AHRR: variants seen among roughly 807,000 people sequenced by gnomAD.
The protein encoded by AHRR is aryl hydrocarbon receptor repressor.
A neutral mutation model predicts 44.0 loss-of-function variants in AHRR; 28 were observed. The observed-to-expected ratio is 0.64, with a 90% CI of 0.47 to 0.87. AHRR has a LOEUF of 0.87. AHRR is among the 40% of genes least tolerant of loss of function. The pLI, the probability that AHRR is intolerant of heterozygous loss-of-function variation, is 0.00. For synonymous variants in AHRR, 434 were observed against 407.0 expected (o/e 1.07, Z -0.80); for missense variants, 990 against 953.9 (o/e 1.04, Z -0.50).
At chr5:391,063 G>A (rs2126469949) in intron 4 of AHRR, among the ~76,000 whole-genome samples, 1 of 152,200 alleles carries the variant, frequency 6.6e-6, no homozygotes, top group Admixed American at 6.5e-5. Flanking sequence ...GACGGGAGAG[G>A]CCCCAGAGAG....
chr5:421,069 G>C, intron 5 of AHRR: 1 of 495,604 alleles, frequency 2.0e-6, no homozygotes, highest in Non-Finnish European at 3.7e-6. Context: ...GCGACTAAAA[G>C]ATAAAGAGGG....
intron 4 of AHRR, among the ~76,000 whole-genome samples, chr5:408,106 C>T (rs1346810336): frequency 1.3e-5 from 2 of 152,210 alleles, no homozygotes; most frequent in Non-Finnish European, 2.9e-5. Flanking sequence ...GGTTGTAGTA[C>T]GAAAGCAGCC....
Position 432,880 on chromosome 5 carries a change from G to T in AHRR, c.1045G>T (p.Ala349Ser), listed in dbSNP as rs200229746. The T allele has an allele frequency of 2.0e-5, 32 of 1,613,672 alleles. No homozygotes were observed. In the African/African-American group the frequency reaches 3.2e-4, roughly 16 times the overall value. The change falls in exon 10 of 11, where the codon GCC becomes TCC. Residue 349 changes from alanine (A) to serine (S), a missense_variant. Transcript: ENST00000684583. ...CGCTGGCCGATGGGCACAGGTTCCC[G>T]CCAGGGCCCCATGCCTGTGCCTCCG... is the stretch of plus-strand genomic sequence containing the variant. ...TDAGRWAQVP[A>S]RAPCLCLRGG...
In AHRR at chr5:342,042, T is replaced by C. The variant is rs10061449; in HGVS notation, c.-10-1851T>C. ...ATATCTTTATAGTTTAATTCCATTA[T>C]GTCAAATAACATACTTTGATTTCTG... On this transcript the variant is annotated intron_variant, in intron 1 of 10. Transcript: ENST00000684583. The surrounding 1 kb of genome is among the most constrained non-coding windows in gnomAD (Gnocchi z 4.3). Among the ~76,000 whole-genome samples the C allele has an allele frequency of 1.5e-3, 228 of 152,368 alleles. No individual in the cohort carries two copies. Among genetic ancestry groups the C allele is most frequent in the African/African-American group, 5.2e-3 (218 of 41,592 alleles).
chr5:421,169 G>T (rs1280051947), intron 5 of AHRR: 6 of 589,588 alleles, frequency 1.0e-5, no homozygotes, highest in African/African-American at 2.0e-5. Context: ...AGGCCGCTCT[G>T]GCGCCCGGCT....
At chr5:392,826 T>C (rs1734530303) in intron 4 of AHRR, among the ~76,000 whole-genome samples, 2 of 152,122 alleles carry the variant, frequency 1.3e-5, no homozygotes, top group Admixed American at 1.3e-4. Flanking sequence ...GGCCTTACCG[T>C]GGCCGCCCCA....
chr5:399,940 C>T (rs1734940027), intron 4 of AHRR, among the ~76,000 whole-genome samples: 1 of 152,216 alleles, frequency 6.6e-6, no homozygotes, highest in Non-Finnish European at 1.5e-5. Context: ...GCCAGTTATT[C>T]AGCTCCCCAA....
chr5:351,927 A>C (rs1742871743), intron 2 of AHRR, among the ~76,000 whole-genome samples: 1 of 152,234 alleles, frequency 6.6e-6, no homozygotes, highest in Non-Finnish European at 1.5e-5. Flanking sequence ...TAGAAAAATA[A>C]GGAACTTCTT....
At chr5:332,535 G>T (rs1741963874) in intron 1 of AHRR, among the ~76,000 whole-genome samples, 1 of 152,080 alleles carries the variant, frequency 6.6e-6, no homozygotes, top group Non-Finnish European at 1.5e-5. Flanking sequence ...CAAAGTGCTG[G>T]GATTACAGGT....
intron 4 of AHRR, among the ~76,000 whole-genome samples, chr5:402,288 G>A (rs1735045168): frequency 6.6e-6 from 1 of 152,060 alleles, no homozygotes; most frequent in Non-Finnish European, 1.5e-5. Flanking sequence ...AAGATGGAAG[G>A]CAGTCGTTGA....
In AHRR at chr5:397,113, T is replaced by A. The variant is rs1462684504; in HGVS notation, c.352-16231T>A. 1.5e-4 allele frequency among the ~76,000 whole-genome samples: 14 copies of A among 94,674 alleles called. 1 individual carries two copies. The highest frequency in any genetic ancestry group is 2.0e-4 in the Non-Finnish European group (10 of 49,352). The allele number at this position is 94,674 out of a possible 152,430, so 62.1% of individuals were successfully genotyped here. ...AGCCCCTGACCATCCACGTAGCCCC[T>A]GACCATCCATGTTAGCCCCTGACCA... On this transcript the variant is annotated intron_variant, in intron 4 of 10. Transcript: ENST00000684583.
chr5:417,971 T>C (rs1314066737), intron 5 of AHRR, among the ~76,000 whole-genome samples: 1 of 152,248 alleles, frequency 6.6e-6, no homozygotes, highest in African/African-American at 2.4e-5. Context: ...TAAACGGCTT[T>C]AGGCGTATAT....
intron 1 of AHRR, among the ~76,000 whole-genome samples, chr5:343,266 G>A (rs931850240): frequency 8.8e-5 from 13 of 147,890 alleles, no homozygotes; most frequent in African/African-American, 2.2e-4. Context: ...CAGGAACACG[G>A]GACCCCACAT....
In AHRR at chr5:434,113, G is replaced by T; in HGVS notation, c.1373G>T (p.Ser458Ile). 1 of 1,613,040 alleles carries T rather than the reference G, an allele frequency of 6.2e-7. No individual in the cohort carries two copies. The highest frequency in any genetic ancestry group is 8.5e-7 in the Non-Finnish European group (1 of 1,179,900). The change falls in exon 11 of 11, where the codon AGT (serine) becomes ATT (isoleucine). Residue 458 changes from serine to isoleucine, a missense_variant. Coordinates refer to ENST00000684583, the MANE Select transcript of AHRR (RefSeq NM_001377236.1). ...TCTCACCCGCCGAGCCCGTCCCCCA[G>T]TGCCTACTCCAGCCGGACCAGCAGA... Reference protein sequence around the residue: ...PISHPPSPSPSAYSSRTSRPM... With the variant: ...PISHPPSPSPIAYSSRTSRPM...
rs1737176242 is a variant in AHRR, at chr5:438,122, A to G, written c.*3288A>G. 1 of 152,370 alleles carries G rather than the reference A, an allele frequency of 6.6e-6. No individual in the cohort carries two copies. The highest frequency in any genetic ancestry group is 2.4e-5 in the African/African-American group (1 of 41,454). The allele number at this position is 152,370 out of a possible 1,614,324, so 9.4% of individuals were successfully genotyped here. A position where few individuals can be genotyped will look rare whatever the true frequency, so the allele number is the denominator to read the frequency against. ...GAAGAAAAAAGTTTTCAATACCTAG[A>G]CCAACTTGTTGAATTTTTAAAACTT... On this transcript the variant is annotated 3_prime_UTR_variant, in exon 11 of 11. Transcript: ENST00000684583.
At chr5:427,527 C>T (rs1435337117) in intron 7 of AHRR, 68 of 1,330,330 alleles carry the variant, frequency 5.1e-5, no homozygotes, top group Non-Finnish European at 6.7e-5. Context: ...CACACATGAA[C>T]AGGCACACAC....
chr5:408,875 A>T (rs973650329), intron 4 of AHRR, among the ~76,000 whole-genome samples: 1 of 152,162 alleles, frequency 6.6e-6, no homozygotes, highest in Non-Finnish European at 1.5e-5. Flanking sequence ...TGATCTTTTA[A>T]GCTTGGTATC....
intron 5 of AHRR, chr5:421,482 G>C (rs1323612345): frequency 4.1e-6 from 2 of 489,928 alleles, no homozygotes; most frequent in Non-Finnish European, 7.2e-6. Flanking sequence ...GGTCCCGCGG[G>C]GTGTTTTCTT....
rs980341202 is a variant in AHRR, at chr5:435,558, G to C, written c.*724G>C. 6.6e-6 allele frequency: 1 copy of C among 152,430 alleles called. No homozygotes were observed. The highest frequency in any genetic ancestry group is 1.5e-5 in the Non-Finnish European group (1 of 68,106). 9.4% of individuals were successfully genotyped at this position (152,430 alleles called of 1,614,324 possible). On this transcript the variant is annotated 3_prime_UTR_variant, in exon 11 of 11. Transcript: ENST00000684583. ...GGCCAGACCTGGACTGGAATTGACA[G>C]CATAACCCCTGTTCCTTCTGGACAT...
Sources: gnomAD v4.1 joint callset for allele counts (sites outside exome capture counted in the v4.1 genomes callset) on GRCh38, gnomAD v4.1.1 for gene constraint, Gnocchi (gnomAD v3.1) non-coding constraint, MANE v1.5 for transcripts, NCBI Gene and HGNC (gene_info 2026-07-23, HGNC 2026-07-21) for gene names.